CCPG1: variants seen among roughly 807,000 people sequenced by gnomAD.
The protein encoded by CCPG1 is cell cycle progression 1.
In CCPG1, 46 loss-of-function variants were observed where a neutral mutation model predicts 81.3. The ratio of observed to expected loss-of-function variants is 0.57; its 90% CI spans 0.45 to 0.72. CCPG1 has a LOEUF of 0.72. CCPG1 is among the 30% of genes least tolerant of loss of function. CCPG1 has a pLI of 0.00. For missense variants in CCPG1, 902 were observed against 937.6 expected (o/e 0.96, Z 0.50); for synonymous variants, 330 against 305.2 (o/e 1.08, Z -0.85).
intron 1 of CCPG1, among the ~76,000 whole-genome samples, chr15:55,392,579 G>T (rs2056943056): frequency 1.3e-5 from 2 of 151,748 alleles, no homozygotes; most frequent in African/African-American, 4.8e-5. Context: ...GGAGGGCAGT[G>T]ACATGAACAC....
At chr15:55,370,956 T>TA in intron 6 of CCPG1, among the ~76,000 whole-genome samples, 1 of 144,444 alleles carries the variant, frequency 6.9e-6, no homozygotes, top group Admixed American at 6.9e-5. Context: ...ACTACAAATA[T>TA]AAAAAAATTA....
At chr15:55,385,286 C>T (rs2056777129) in intron 3 of CCPG1, among the ~76,000 whole-genome samples, 1 of 152,204 alleles carries the variant, frequency 6.6e-6, no homozygotes, top group Admixed American at 6.5e-5. Flanking sequence ...CTGCCTCAGC[C>T]TTCTGAGTAG....
intron 1 of CCPG1, among the ~76,000 whole-genome samples, chr15:55,396,691 G>T (rs1192646750): frequency 6.6e-6 from 1 of 152,206 alleles, no homozygotes; most frequent in Non-Finnish European, 1.5e-5. Flanking sequence ...TTTATGCTGG[G>T]ATAGAGAAGC....
At chr15:55,368,629 T>C (rs2056381535) in intron 6 of CCPG1, among the ~76,000 whole-genome samples, 1 of 152,212 alleles carries the variant, frequency 6.6e-6, no homozygotes, top group African/African-American at 2.4e-5. Context: ...AAGACTGCTT[T>C]CTCATGAAAC....
Position 55,365,428 on chromosome 15 carries a change from T to G in CCPG1, c.707-119A>C, listed in dbSNP as rs549730341. ...ATGTAGTCTTTTTTTTGTTTTTTTTTTTTGTTTTTTTTTTGTTTTTTGAGA... is the reference window on the plus strand; with the variant it reads ...ATGTAGTCTTTTTTTTGTTTTTTTTGTTTGTTTTTTTTTTGTTTTTTGAGA... On this transcript the variant is annotated intron_variant, in intron 6 of 8. Coordinates refer to ENST00000442196, the MANE Select transcript of CCPG1 (RefSeq NM_001204450.2). 8.9e-4 allele frequency: 572 copies of G among 645,418 alleles called. 1 individual carries two copies. The highest frequency in any genetic ancestry group is 5.0e-3 in the African/African-American group (258 of 51,718). The allele number at this position is 645,418 out of a possible 1,614,324, so 40.0% of individuals were successfully genotyped here.
At chr15:55,404,239 C>G (rs986766786) in intron 1 of CCPG1, among the ~76,000 whole-genome samples, 12 of 152,078 alleles carry the variant, frequency 7.9e-5, no homozygotes, top group Admixed American at 7.9e-4. Flanking sequence ...CAACGTGTTA[C>G]CAGTGTTTTT....
intron 1 of CCPG1, among the ~76,000 whole-genome samples, chr15:55,392,028 TA>T (rs71437812): frequency 0.081 from 8,426 of 103,902 alleles, 785 homozygotes; most frequent in African/African-American, 0.25. Flanking sequence ...TTCTGATTCC[TA>T]AAAAAAAAAA....
At chr15:55,397,413 G>A (rs546765558) in intron 1 of CCPG1, among the ~76,000 whole-genome samples, 1 of 145,834 alleles carries the variant, frequency 6.9e-6, no homozygotes, top group Non-Finnish European at 1.5e-5. Context: ...ACAGCATTGT[G>A]GGGGAGCAAA....
chr15:55,377,200 T>C, intron 4 of CCPG1, 50 bp from the exon 5 acceptor site: 1 of 1,259,014 alleles, frequency 7.9e-7, no homozygotes, highest in Non-Finnish European at 1.1e-6. Flanking sequence ...CATTTAAGGG[T>C]CTTACATTTT....
chr15:55,359,634 T>C lies in CCPG1; in HGVS notation c.2139A>G (p.Glu713=). 1 of 1,613,414 alleles carries C rather than the reference T, an allele frequency of 6.2e-7. No homozygotes were observed. Among genetic ancestry groups the C allele is most frequent in the South Asian group, 1.1e-5 (1 of 91,048 alleles). Residue 713 remains glutamate (E), a synonymous_variant, in exon 8 of 9, where the codon GAA becomes GAG. Transcript: ENST00000442196. ...ATACTCCATCATTATCTACTTCATATTCCTTCATGTTTCTAAGATAATCTT... is the reference window on the plus strand; with the variant it reads ...ATACTCCATCATTATCTACTTCATACTCCTTCATGTTTCTAAGATAATCTT... ...DVKDYLRNMK[E]YEVDNDGVFE...
At chr15:55,399,083 A>G (rs772214433) in intron 1 of CCPG1, among the ~76,000 whole-genome samples, 2 of 152,102 alleles carry the variant, frequency 1.3e-5, no homozygotes, top group Non-Finnish European at 2.9e-5. Flanking sequence ...AACCTCCCCC[A>G]AAGAAAAGTA....
At chr15:55,376,422 C>G (rs146492377) in intron 5 of CCPG1, among the ~76,000 whole-genome samples, 1 of 152,270 alleles carries the variant, frequency 6.6e-6, no homozygotes, top group East Asian at 1.9e-4. Context: ...ATAACAGAAT[C>G]TAAAACAAAA....
In CCPG1 at chr15:55,362,341, G is replaced by A. The variant is rs200277773; in HGVS notation, c.829-1397C>T. 2.4e-4 allele frequency among the ~76,000 whole-genome samples: 35 copies of A among 147,836 alleles called. No individual in the cohort carries two copies. In the East Asian group the frequency reaches 4.3e-3, roughly 18 times the overall value. ...TTCAGAAATAAGAAAAAAAAAAAAG[G>A]AAAAAAAAATACAAGTCCTTTAAGA... On this transcript the variant is annotated intron_variant, in intron 7 of 8. Coordinates refer to ENST00000442196, the MANE Select transcript of CCPG1 (RefSeq NM_001204450.2).
chr15:55,381,628 T>G, intron 3 of CCPG1, among the ~76,000 whole-genome samples: 1 of 152,210 alleles, frequency 6.6e-6, no homozygotes, highest in East Asian at 1.9e-4. Context: ...ATCTCTTCTA[T>G]TTCTGGCCTT....
At chr15:55,356,637 A>G (rs1468936047) in intron 8 of CCPG1, 2 of 1,227,434 alleles carry the variant, frequency 1.6e-6, no homozygotes, top group Non-Finnish European at 2.0e-6. Context: ...AAAAAAGGGA[A>G]ACACTCAAAA....
chr15:55,357,008 A>G, intron 8 of CCPG1: 1 of 985,532 alleles, frequency 1.0e-6, no homozygotes, highest in Non-Finnish European at 1.2e-6. Flanking sequence ...TGGATTTTCA[A>G]GGTACCACTC....
Position 55,359,928 on chromosome 15 carries a change from C to A in CCPG1, c.1845G>T (p.Gly615=). The A allele has an allele frequency of 6.2e-7, 1 of 1,613,560 alleles. No individual in the cohort carries two copies. Among genetic ancestry groups the A allele is most frequent in the Non-Finnish European group, 8.5e-7 (1 of 1,179,938 alleles). ...AATGAGAATTTTCTCTACAATCATGCCCAGGACTGCATTTCTTTGAATTTG... is the reference window on the plus strand; with the variant it reads ...AATGAGAATTTTCTCTACAATCATGACCAGGACTGCATTTCTTTGAATTTG... ...KNTNSKKCSP[G]HDCRENSHSF... Residue 615 remains glycine (G), a synonymous_variant, in exon 8 of 9, where the codon GGG becomes GGT. Transcript: ENST00000442196.
chr15:55,358,763 C>T (rs2141239761), intron 8 of CCPG1: 1 of 985,186 alleles, frequency 1.0e-6, no homozygotes, highest in East Asian at 1.1e-4. Flanking sequence ...CACTTGTCTC[C>T]TCAAGGCAGC....
At chr15:55,364,978 T>C (rs1390749130) in intron 7 of CCPG1, among the ~76,000 whole-genome samples, 2 of 152,214 alleles carry the variant, frequency 1.3e-5, no homozygotes, top group African/African-American at 4.8e-5. Context: ...AAGTTAGTAA[T>C]TGCTTAATTC....
Sources: gnomAD v4.1 joint callset for allele counts (sites outside exome capture counted in the v4.1 genomes callset) on GRCh38, gnomAD v4.1.1 for gene constraint, MANE v1.5 for transcripts, NCBI Gene and HGNC (gene_info 2026-07-23, HGNC 2026-07-21) for gene names.